Variants in DIAPH2 observed in about 807,000 individuals in gnomAD.
DIAPH2 encodes protein diaphanous homolog 2.
A neutral mutation model predicts 92.7 loss-of-function variants in DIAPH2; 35 were observed. The ratio of observed to expected loss-of-function variants is 0.38; its 90% CI spans 0.29 to 0.50. The LOEUF (loss-of-function observed/expected upper bound fraction) is 0.50. DIAPH2 is among the 20% of genes least tolerant of loss of function. The probability of loss-of-function intolerance (pLI) is 0.94; values close to 1 mark genes in which losing one functional copy is unlikely to be tolerated. For missense variants in DIAPH2, 701 were observed against 819.5 expected, an observed-to-expected ratio of 0.86 and a Z score of 1.77; for synonymous variants, 301 against 280.4, an observed-to-expected ratio of 1.07 and a Z score of -0.73.
intron 4 of DIAPH2, among the ~76,000 whole-genome samples, chrX:96,853,781 T>C (rs765691400): frequency 5.1e-4 from 57 of 111,752 alleles, no homozygotes; most frequent in African/African-American, 1.7e-3. Flanking sequence ...TCTGAAATGG[T>C]TTAATTGCAC....
At chrX:97,070,198 T>C in intron 17 of DIAPH2, among the ~76,000 whole-genome samples, 1 of 111,487 alleles carries the variant, frequency 9.0e-6, no homozygotes, top group African/African-American at 3.2e-5. Context: ...ATTTGCAATA[T>C]GTTTTTTCAT....
chrX:97,199,699 G>A (rs2067732142), intron 22 of DIAPH2, among the ~76,000 whole-genome samples: 1 of 111,078 alleles, frequency 9.0e-6, no homozygotes, highest in Middle Eastern at 4.2e-3. Flanking sequence ...GAAACTTCCT[G>A]AAACCTTGTT....
chrX:97,010,276 GCATAGAATCTGTCTCCAT>G (rs912892172), intron 17 of DIAPH2, among the ~76,000 whole-genome samples: 2 of 110,120 alleles, frequency 1.8e-5, no homozygotes, highest in Non-Finnish European at 3.8e-5. Flanking sequence ...TTCCCAAAGT[GCATAGAATCTGTCTCCAT>G]GCCATGTGGC....
Position 97,273,033 on chromosome X carries a change from T to C in DIAPH2, c.2844+25194T>C, listed in dbSNP as rs1339099189. On this transcript the variant is annotated intron_variant, in intron 23 of 26. Coordinates refer to ENST00000324765, the MANE Select transcript of DIAPH2 (RefSeq NM_006729.5). ...AGCTGGGCATGGTGGCACATGTCTGTAATCCCAGCTACTCGGGAGGCTGAG... is the reference window on the plus strand; with the variant it reads ...AGCTGGGCATGGTGGCACATGTCTGCAATCCCAGCTACTCGGGAGGCTGAG... Among the ~76,000 whole-genome samples the C allele has an allele frequency of 8.1e-5, 9 of 111,436 alleles. No homozygotes were observed. The Admixed American group carries it at 8.6e-4, about 11-fold the overall frequency.
chrX:97,396,667 A>G lies in DIAPH2; in HGVS notation c.3145+12623A>G, dbSNP rs2069708131. Among the ~76,000 whole-genome samples, 4 of 112,060 alleles carry G rather than the reference A, an allele frequency of 3.6e-5. No individual in the cohort carries two copies. In the Admixed American group the frequency reaches 3.8e-4, roughly 11 times the overall value. On this transcript the variant is annotated intron_variant, in intron 25 of 26. Transcript: ENST00000324765. ...ATAAATAAATAAATTCCGTTGTTAC[A>G]CTGAATGTGCAAAAGGATTATGGAC...
Position 96,823,724 on chromosome X carries a change from A to G in DIAPH2, c.448-57855A>G, listed in dbSNP as rs1416286143. On this transcript the variant is annotated intron_variant, in intron 4 of 26. Transcript: ENST00000324765. ...AGTGTTGCAATTAATGATAGAATTAATAAGCCCTATTTTTGCCTTGTTTAC... is the reference window on the plus strand; with the variant it reads ...AGTGTTGCAATTAATGATAGAATTAGTAAGCCCTATTTTTGCCTTGTTTAC... Among the ~76,000 whole-genome samples, 9 of 110,905 alleles carry G rather than the reference A, an allele frequency of 8.1e-5. No individual in the cohort carries two copies. In the Admixed American group the frequency reaches 8.7e-4, roughly 11 times the overall value.
chrX:96,804,244 C>A (rs978985134), intron 4 of DIAPH2, among the ~76,000 whole-genome samples: 3 of 111,586 alleles, frequency 2.7e-5, no homozygotes, highest in Non-Finnish European at 5.6e-5. Context: ...AGACTTCTCA[C>A]CTGCCTAATG....
At chrX:96,995,941 G>C (rs1346641494) in intron 17 of DIAPH2, among the ~76,000 whole-genome samples, 1 of 109,117 alleles carries the variant, frequency 9.2e-6, no homozygotes, top group Non-Finnish European at 1.9e-5. Context: ...AAATAACTAG[G>C]CTTGAAAAAA....
chrX:96,962,288 T>TATATATATATAC lies in DIAPH2; in HGVS notation c.1936-2779_1936-2768dup, dbSNP rs1230625817. ...ATATATATATACATATATATATACATATATATATATACATATATATATACA... is the reference window on the plus strand; with the variant it reads ...ATATATATATACATATATATATACATATATATATATACATATATATATACATATATATATACA... On this transcript the variant is annotated intron_variant, in intron 16 of 26. Coordinates refer to ENST00000324765, the MANE Select transcript of DIAPH2 (RefSeq NM_006729.5). 6.9e-4 allele frequency among the ~76,000 whole-genome samples: 44 copies of TATATATATATAC among 63,488 alleles called. 2 individuals carry two copies. Among genetic ancestry groups the TATATATATATAC allele is most frequent in the African/African-American group, 2.4e-3 (39 of 16,169 alleles). 55.1% of individuals were successfully genotyped at this position (63,488 alleles called of 115,157 possible). A position where few individuals can be genotyped will look rare whatever the true frequency, so the allele number is the denominator to read the frequency against.
intron 24 of DIAPH2, among the ~76,000 whole-genome samples, chrX:97,368,533 C>G (rs1274127816): frequency 9.0e-6 from 1 of 111,530 alleles, no homozygotes; most frequent in African/African-American, 3.3e-5. Context: ...TTTAGCAAAA[C>G]ACATGGCCAA....
At position 97,406,383 on chromosome X, in the gene DIAPH2, A is replaced by G. The variant is rs990620720; in HGVS notation, c.3145+22339A>G. On this transcript the variant is annotated intron_variant, in intron 25 of 26. Coordinates refer to ENST00000324765, the MANE Select transcript of DIAPH2 (RefSeq NM_006729.5). ...AGCTTCCTCTAAACTGGATATAAAG[A>G]TGTCAGCAATGTGTAGATTCTCTAA... Among the ~76,000 whole-genome samples, 9 of 112,056 alleles carry G rather than the reference A, an allele frequency of 8.0e-5. No homozygotes were observed. In the East Asian group the frequency reaches 2.2e-3, roughly 28 times the overall value.
chrX:96,807,881 T>A (rs1467367278), intron 4 of DIAPH2, among the ~76,000 whole-genome samples: 1 of 91,650 alleles, frequency 1.1e-5, no homozygotes, highest in Non-Finnish European at 2.1e-5. Flanking sequence ...ACCTGGTCTA[T>A]GAGGCTATTG....
chrX:97,048,228 C>G (rs1442827488), intron 17 of DIAPH2, among the ~76,000 whole-genome samples: 1 of 110,995 alleles, frequency 9.0e-6, no homozygotes, highest in Non-Finnish European at 1.9e-5. Flanking sequence ...TCTTTTCCTG[C>G]CTTCTTTCCT....
At chrX:97,162,254 A>G (rs1394785538) in intron 22 of DIAPH2, among the ~76,000 whole-genome samples, 1 of 111,033 alleles carries the variant, frequency 9.0e-6, no homozygotes, top group African/African-American at 3.3e-5. Context: ...TCGAAGCCAG[A>G]CTTCCTAGAT....
chrX:97,207,592 C>T (rs5921604), intron 22 of DIAPH2, among the ~76,000 whole-genome samples: 2,562 of 110,975 alleles, frequency 0.023, 29 homozygotes, highest in Middle Eastern at 0.037. Flanking sequence ...AGTGACACGC[C>T]CAAAGTTAGA....
chrX:97,367,552 C>T (rs560572048), intron 24 of DIAPH2, among the ~76,000 whole-genome samples: 4 of 111,488 alleles, frequency 3.6e-5, no homozygotes, highest in African/African-American at 1.3e-4. Flanking sequence ...CTGTATCATA[C>T]CCAAGATTTA....
At chrX:97,414,369 G>A (rs762876366) in intron 25 of DIAPH2, among the ~76,000 whole-genome samples, 6 of 111,990 alleles carry the variant, frequency 5.4e-5, no homozygotes, top group Non-Finnish European at 1.1e-4. Context: ...AGCTGAAACT[G>A]TCCAGGCATG....
At chrX:97,299,049 T>C (rs777470562) in intron 23 of DIAPH2, among the ~76,000 whole-genome samples, 8 of 111,661 alleles carry the variant, frequency 7.2e-5, no homozygotes, top group African/African-American at 2.6e-4. Flanking sequence ...AGGAACTTAA[T>C]TGAGTGTAAT....
intron 17 of DIAPH2, among the ~76,000 whole-genome samples, chrX:97,050,498 G>GT (rs1298023522): frequency 9.0e-5 from 9 of 99,994 alleles, no homozygotes; most frequent in African/African-American, 3.0e-4. Flanking sequence ...ATAGAACCAC[G>GT]TTTTTTTGTT....
Sources: allele counts gnomAD v4.1 joint callset (sites outside exome capture counted in the v4.1 genomes callset), GRCh38; gene constraint gnomAD v4.1.1; transcripts MANE v1.5; gene names NCBI Gene and HGNC (gene_info 2026-07-23, HGNC 2026-07-21).